Variants in PTCD3 observed in about 807,000 individuals in gnomAD.
PTCD3 encodes the protein pentatricopeptide repeat domain 3.
A neutral mutation model predicts 101.9 loss-of-function variants in PTCD3; 89 were observed. That is an observed-to-expected ratio of 0.87 (90% CI 0.74 to 1.04). The LOEUF (loss-of-function observed/expected upper bound fraction) is 1.04. Among genes scored for constraint, PTCD3 ranks in the 50% least tolerant of loss-of-function variants. PTCD3 has a pLI of 0.00. For missense variants in PTCD3, 870 were observed against 828.2 expected, an observed-to-expected ratio of 1.05 and a Z score of -0.62; for synonymous variants, 296 against 278.5, an observed-to-expected ratio of 1.06 and a Z score of -0.63.
intron 4 of PTCD3, 93 bp downstream of exon 4, chr2:86,111,251 G>A (rs561064854): frequency 1.2e-4 from 130 of 1,120,252 alleles, no homozygotes; most frequent in South Asian, 1.1e-3. Flanking sequence ...CTCATACCTC[G>A]TCATTACTCA....
rs1372444670 is a variant in PTCD3, at chr2:86,123,689, T to G, written c.655-12T>G. On this transcript the variant is annotated splice_polypyrimidine_tract_variant and intron_variant, in intron 8 of 23. Coordinates refer to ENST00000254630, the MANE Select transcript of PTCD3 (RefSeq NM_017952.6). ...CTTAACTTTTATTTCTTTTGATGAT[T>G]ATTCATTTCAGGAAGAGGAAAATGA... 3 of 1,577,458 alleles carry G rather than the reference T, an allele frequency of 1.9e-6. No individual in the cohort carries two copies. Among genetic ancestry groups the G allele is most frequent in the Non-Finnish European group, 2.6e-6 (3 of 1,162,698 alleles).
rs1367116933 is a variant in PTCD3, at chr2:86,130,654, C to T, written c.1154C>T (p.Pro385Leu). 3 of 1,611,410 alleles carry T rather than the reference C, an allele frequency of 1.9e-6. No individual in the cohort carries two copies. The highest frequency in any genetic ancestry group is 4.5e-5 in the East Asian group (2 of 44,786). The change falls in exon 15 of 24, where the codon CCT (proline) becomes CTT (leucine). Residue 385 changes from proline (P) to leucine (L), a missense_variant. Pro to Leu is a moderately conservative substitution (Grantham distance 98). Transcript: ENST00000254630. ...TTGCTTTCTTGTTCTGCAGGAGACC[C>T]TTTAAAGAGATCATCCTTCATCATT... ...IIRLFDQPGD[P>L]LKRSSFIIYD...
chr2:86,133,159 C>T lies in PTCD3; in HGVS notation c.1374-19C>T, dbSNP rs1446117864. On this transcript the variant is annotated intron_variant, in intron 17 of 23. Coordinates refer to ENST00000254630, the MANE Select transcript of PTCD3 (RefSeq NM_017952.6). ...ACATAGGGACTTTAGACTAAACATA[C>T]TTTTTGCCTTCATCACAGTTCCAAG... 6.2e-7 allele frequency: 1 copy of T among 1,611,288 alleles called. No individual in the cohort carries two copies.
At chr2:86,119,115 T>C (rs1674235281) in intron 7 of PTCD3, 71 bp downstream of exon 7, 2 of 1,558,934 alleles carry the variant, frequency 1.3e-6, no homozygotes, top group Non-Finnish European at 1.7e-6. Flanking sequence ...ATGATTCATA[T>C]ATTTTGAGTA....
intron 19 of PTCD3, among the ~76,000 whole-genome samples, chr2:86,133,824 G>T (rs1674533518): frequency 6.6e-6 from 1 of 152,182 alleles, no homozygotes; most frequent in Admixed American, 6.5e-5. Flanking sequence ...TGATGATTCT[G>T]TTTCCAAGTA....
chr2:86,118,940 T>G lies in PTCD3; in HGVS notation c.434T>G (p.Phe145Cys). The G allele has an allele frequency of 6.2e-7, 1 of 1,613,532 alleles. No individual in the cohort carries two copies. The highest frequency in any genetic ancestry group is 8.5e-7 in the Non-Finnish European group (1 of 1,179,794). The change falls in exon 7 of 24, where the codon TTT becomes TGT. Residue 145 changes from phenylalanine (F) to cysteine (C), a missense_variant. By Grantham distance (205) the Phe-to-Cys change is radical (BLOSUM62 -2). Transcript: ENST00000254630. ...TCCTAGTGTTTAATGCCTGAGTACT[T>G]TGAACCTCAGATCAAAGACATAAGT... is the stretch of plus-strand genomic sequence containing the variant. ...PHIPCLMPEY[F>C]EPQIKDISEA...
At chr2:86,108,445 G>T (rs531213921) in intron 2 of PTCD3, 43 bp downstream of exon 2, 3 of 1,591,448 alleles carry the variant, frequency 1.9e-6, no homozygotes, top group African/African-American at 1.4e-5. Flanking sequence ...ATATCAACAC[G>T]TTGGATTCCA....
chr2:86,118,591 C>T (rs1221658223), intron 6 of PTCD3, among the ~76,000 whole-genome samples: 3 of 152,222 alleles, frequency 2.0e-5, no homozygotes, highest in South Asian at 2.1e-4. Context: ...TGCCTTTCGT[C>T]TCTGTATCCC....
chr2:86,133,415 G>T lies in PTCD3; in HGVS notation c.1522G>T (p.Val508Leu), dbSNP rs766906626. 1 of 1,613,978 alleles carries T rather than the reference G, an allele frequency of 6.2e-7. No individual in the cohort carries two copies. Among genetic ancestry groups the T allele is most frequent in the Non-Finnish European group, 8.5e-7 (1 of 1,179,842 alleles). The change falls in exon 19 of 24, where the codon GTG becomes TTG. Residue 508 changes from valine (V) to leucine (L), a missense_variant. Val to Leu is a conservative substitution (Grantham distance 32). Transcript: ENST00000254630. ...QALDVANRLEVIPKIWKDSKE... is the reference protein window; with the variant it reads ...QALDVANRLELIPKIWKDSKE... ...ATTGGATGTGGCCAATCGGCTAGAA[G>T]TGATTCCTAAAATTTGGAAAGGTCA...
Position 86,125,487 on chromosome 2 carries a change from C to T in PTCD3, c.837C>T (p.Tyr279=). Residue 279 remains tyrosine (Y), a synonymous_variant, in exon 11 of 24, where the codon TAC becomes TAT. Coordinates refer to ENST00000254630, the MANE Select transcript of PTCD3 (RefSeq NM_017952.6). ...HRAYEQALNL[Y]TELLNNRLHA... is the part of the protein sequence containing the mutation. ...CTTATGAGCAGGCATTAAACTTGTA[C>T]ACTGAGTTACTAAACAACAGACTCC... 6.2e-7 allele frequency: 1 copy of T among 1,612,872 alleles called. No homozygotes were observed. Among genetic ancestry groups the T allele is most frequent in the Non-Finnish European group, 8.5e-7 (1 of 1,178,788 alleles).
chr2:86,108,198 G>T, intron 1 of PTCD3, 152 bp from the exon 2 acceptor site: 2 of 761,432 alleles, frequency 2.6e-6, no homozygotes, highest in Admixed American at 2.6e-5. Flanking sequence ...TATTGAACAT[G>T]TGTACAGACT....
intron 22 of PTCD3, 77 bp downstream of exon 22, chr2:86,136,639 C>T: frequency 6.7e-7 from 1 of 1,498,508 alleles, no homozygotes; most frequent in Non-Finnish European, 9.3e-7. Flanking sequence ...CCAGCCTTAG[C>T]CACCACATTT....
intron 20 of PTCD3, 38 bp downstream of exon 20, chr2:86,134,415 A>G (rs762517237): frequency 6.6e-7 from 1 of 1,514,728 alleles, no homozygotes. Context: ...ATCCTCCCAT[A>G]CTGAGGTCTT....
chr2:86,125,984 C>T (rs1170619133), intron 12 of PTCD3, 104 bp downstream of exon 12: 2 of 736,196 alleles, frequency 2.7e-6, no homozygotes, highest in African/African-American at 3.6e-5. Context: ...AATACCAGCA[C>T]TTTGGGAGGC....
intron 14 of PTCD3, among the ~76,000 whole-genome samples, chr2:86,129,583 A>G (rs1003898615): frequency 5.3e-5 from 8 of 152,170 alleles, no homozygotes; most frequent in African/African-American, 1.9e-4. Flanking sequence ...TTGAAGCTGC[A>G]GTAAGCTGCG....
intron 4 of PTCD3, among the ~76,000 whole-genome samples, chr2:86,116,093 C>T (rs1674171355): frequency 6.6e-6 from 1 of 152,178 alleles, no homozygotes; most frequent in Non-Finnish European, 1.5e-5. Flanking sequence ...GCTGAGAGTA[C>T]AGTGCAGGTG....
intron 7 of PTCD3, among the ~76,000 whole-genome samples, chr2:86,120,578 T>G (rs534933453): frequency 6.6e-6 from 1 of 152,290 alleles, no homozygotes; most frequent in East Asian, 1.9e-4. Context: ...CATTTTAAAT[T>G]TATCAATGTA....
intron 4 of PTCD3, among the ~76,000 whole-genome samples, chr2:86,114,482 GT>G (rs1674146479): frequency 6.6e-6 from 1 of 152,138 alleles, no homozygotes; most frequent in South Asian, 2.1e-4. Context: ...TAGAGACGGA[GT>G]TTCACTGTGT....
In PTCD3 at chr2:86,118,982, A is replaced by C. The variant is rs1430794122; in HGVS notation, c.476A>C (p.Glu159Ala). 6.2e-7 allele frequency: 1 copy of C among 1,614,124 alleles called. No individual in the cohort carries two copies. Among genetic ancestry groups the C allele is most frequent in the Non-Finnish European group, 8.5e-7 (1 of 1,179,994 alleles). Residue 159 changes from glutamate (E) to alanine (A), a missense_variant, in exon 7 of 24, where the codon GAA (glutamate) becomes GCA (alanine). Transcript: ENST00000254630. ...GACATAAGTGAAGCCGCCCTGAAGG[A>C]ACGAATTGAGCTCAGAAAAGTCAAA... is the stretch of plus-strand genomic sequence containing the variant. ...IKDISEAALK[E>A]RIELRKVKAS...
Sources: gnomAD v4.1 joint callset for allele counts (sites outside exome capture counted in the v4.1 genomes callset) on GRCh38, gnomAD v4.1.1 for gene constraint, MANE v1.5 for transcripts, NCBI Gene and HGNC (gene_info 2026-07-23, HGNC 2026-07-21) for gene names.